GPHN: variants seen among roughly 807,000 people sequenced by gnomAD.
GPHN encodes the protein gephyrin.
GPHN carries 17 observed loss-of-function variants against 95.5 expected under a neutral mutation model. That is an observed-to-expected ratio of 0.18 (90% CI 0.12 to 0.27). The LOEUF is 0.27. Among genes scored for constraint, GPHN ranks in the 10% least tolerant of loss-of-function variants. GPHN has a pLI of 1.00. For synonymous variants in GPHN, 320 were observed against 322.5 expected (o/e 0.99, Z 0.08); for missense variants, 660 against 978.1 (o/e 0.67, Z 4.34).
chr14:66,767,864 A>C (rs1205929830), intron 2 of GPHN, among the ~76,000 whole-genome samples: 2 of 151,982 alleles, frequency 1.3e-5, no homozygotes, highest in Non-Finnish European at 2.9e-5. Context: ...TGCAGTTATC[A>C]ATAGTGTATC....
chr14:66,611,343 A>C (rs1011872215), intron 1 of GPHN, among the ~76,000 whole-genome samples: 1 of 152,174 alleles, frequency 6.6e-6, no homozygotes, highest in Non-Finnish European at 1.5e-5. Flanking sequence ...GGGCTGGAAC[A>C]AAGAAATTTA....
chr14:66,598,536 C>T (rs1182253672), intron 1 of GPHN, among the ~76,000 whole-genome samples: 2 of 152,012 alleles, frequency 1.3e-5, no homozygotes, highest in Non-Finnish European at 2.9e-5. Flanking sequence ...TCCCTAAAAA[C>T]TGAAAAGCAA....
the GPHN span, chr14:67,364,674 A>T: frequency 5.4e-6 from 7 of 1,290,696 alleles, no homozygotes; most frequent in Middle Eastern, 2.0e-4. Flanking sequence ...TTTTTTCTTC[A>T]TCTTTTCTTT....
the GPHN span, among the ~76,000 whole-genome samples, chr14:67,635,065 C>T: frequency 2.0e-5 from 3 of 151,638 alleles, no homozygotes; most frequent in African/African-American, 2.4e-5. Context: ...GGTAAAATGG[C>T]GAAATCTTGT....
intron 12 of GPHN, among the ~76,000 whole-genome samples, chr14:67,090,342 G>A (rs912307923): frequency 6.6e-6 from 1 of 151,910 alleles, no homozygotes; most frequent in Non-Finnish European, 1.5e-5. Context: ...AATTTTTTGC[G>A]TGTTGACATG....
intron 2 of GPHN, among the ~76,000 whole-genome samples, chr14:66,747,618 A>C (rs541445039): frequency 3.7e-4 from 57 of 152,024 alleles, no homozygotes; most frequent in Non-Finnish European, 7.1e-4. Context: ...TTGTAAAAAA[A>C]AAAAACAAAA....
chr14:67,365,709 G>A, the GPHN span, among the ~76,000 whole-genome samples: 2 of 152,124 alleles, frequency 1.3e-5, no homozygotes, highest in African/African-American at 2.4e-5. Flanking sequence ...TTTGTTAGGT[G>A]TTAGTTTTAG....
At chr14:66,590,975 A>G (rs781777591) in intron 1 of GPHN, among the ~76,000 whole-genome samples, 17 of 152,194 alleles carry the variant, frequency 1.1e-4, no homozygotes, top group Non-Finnish European at 2.1e-4. Flanking sequence ...AGTCGGCTTT[A>G]TCTCTGGGAT....
chr14:67,718,388 C>T, the GPHN span, among the ~76,000 whole-genome samples: 2 of 152,190 alleles, frequency 1.3e-5, no homozygotes, highest in East Asian at 3.8e-4. Flanking sequence ...AGTAGGGTAT[C>T]CAGGACAGGG....
the GPHN span, among the ~76,000 whole-genome samples, chr14:67,293,427 A>G: frequency 2.0e-5 from 3 of 152,148 alleles, no homozygotes; most frequent in Admixed American, 6.5e-5. Flanking sequence ...TATTTCATTG[A>G]ATGCCAACAT....
the GPHN span, chr14:67,317,379 T>G: frequency 6.4e-7 from 1 of 1,563,698 alleles, no homozygotes; most frequent in Non-Finnish European, 8.8e-7. Context: ...GGGAACACAT[T>G]TATAGTTATG....
chr14:67,318,947 A>G, the GPHN span, among the ~76,000 whole-genome samples: 3 of 151,958 alleles, frequency 2.0e-5, no homozygotes, highest in Admixed American at 1.3e-4. Flanking sequence ...AGTCCCAGCT[A>G]TTCGGGAGGC....
the GPHN span, chr14:67,650,983 T>C: frequency 1.8e-5 from 26 of 1,483,482 alleles, 1 homozygote; most frequent in East Asian, 2.3e-4. Flanking sequence ...ATTGAGGGGA[T>C]AGATGAATAC....
intron 1 of GPHN, among the ~76,000 whole-genome samples, chr14:66,561,245 G>C (rs1329368449): frequency 6.6e-6 from 1 of 152,158 alleles, no homozygotes; most frequent in Non-Finnish European, 1.5e-5. Context: ...TCAGGATGAT[G>C]CTGGCCTCAT....
the GPHN span, among the ~76,000 whole-genome samples, chr14:67,491,093 A>C: frequency 3.9e-5 from 6 of 152,202 alleles, no homozygotes; most frequent in African/African-American, 1.4e-4. Context: ...ACTTCTGAAC[A>C]ATTGGTTACA....
At chr14:67,320,466 G>A in the GPHN span, 1 of 1,390,514 alleles carries the variant, frequency 7.2e-7, no homozygotes, top group Non-Finnish European at 9.5e-7. Context: ...ACTATATCAT[G>A]TAGGGAAATT....
the GPHN span, among the ~76,000 whole-genome samples, chr14:67,553,951 G>A: frequency 6.6e-6 from 1 of 152,202 alleles, no homozygotes; most frequent in Non-Finnish European, 1.5e-5. Context: ...GCTTGAACAC[G>A]TGAATGCCTG....
chr14:66,558,803 T>C (rs2060111997), intron 1 of GPHN, among the ~76,000 whole-genome samples: 4 of 152,084 alleles, frequency 2.6e-5, no homozygotes, highest in Middle Eastern at 3.4e-3. Context: ...TAGTTACATA[T>C]GTATACATGT....
At chr14:67,399,814 C>T in the GPHN span, among the ~76,000 whole-genome samples, 1 of 152,302 alleles carries the variant, frequency 6.6e-6, no homozygotes, top group East Asian at 1.9e-4. Flanking sequence ...GTCAGGTGAA[C>T]ATGGAGAGCC....
Sources: gnomAD v4.1 joint callset for allele counts (sites outside exome capture counted in the v4.1 genomes callset) on GRCh38, gnomAD v4.1.1 for gene constraint, MANE v1.5 for transcripts, NCBI Gene and HGNC (gene_info 2026-07-23, HGNC 2026-07-21) for gene names.